The following SCFD2 variants were observed in gnomAD, a reference collection of about 807,000 sequenced individuals.
SCFD2 encodes the protein sec1 family domain containing 2, also known as sec1 family domain-containing protein 2.
A neutral mutation model predicts 58.9 loss-of-function variants in SCFD2; 54 were observed. The observed-to-expected ratio is 0.92, with a 90% CI of 0.74 to 1.15. SCFD2 has a LOEUF of 1.15. SCFD2 is among the 50% of genes most tolerant of loss of function. SCFD2 has a pLI of 0.00. For missense variants in SCFD2, 805 were observed against 836.6 expected (o/e 0.96, Z 0.47); for synonymous variants, 321 against 335.9 (o/e 0.96, Z 0.49).
chr4:53,239,440 G>A (rs1167090327), intron 4 of SCFD2, among the ~76,000 whole-genome samples: 1 of 77,578 alleles, frequency 1.3e-5, no homozygotes, highest in African/African-American at 4.8e-5. Context: ...GAGGGAGAGG[G>A]AGAGGGAGAG....
At chr4:53,277,126 G>A (rs1485215472) in intron 3 of SCFD2, among the ~76,000 whole-genome samples, 2 of 152,032 alleles carry the variant, frequency 1.3e-5, no homozygotes, top group Non-Finnish European at 2.9e-5. Flanking sequence ...ATAAACCTGT[G>A]AACAAATCCA....
chr4:53,177,787 G>C (rs1727390029), intron 4 of SCFD2, among the ~76,000 whole-genome samples: 1 of 152,194 alleles, frequency 6.6e-6, no homozygotes, highest in African/African-American at 2.4e-5. Flanking sequence ...ACCTGGAAAA[G>C]CAGGTCACTC....
At chr4:53,074,748 C>A (rs76566151) in intron 5 of SCFD2, among the ~76,000 whole-genome samples, 2,210 of 152,106 alleles carry the variant, frequency 0.015, 20 homozygotes, top group Middle Eastern at 0.034. Context: ...AGTGGTTCTC[C>A]ACAGTAGGCT....
At chr4:53,104,603 C>T (rs1724931191) in intron 5 of SCFD2, among the ~76,000 whole-genome samples, 1 of 152,090 alleles carries the variant, frequency 6.6e-6, no homozygotes, top group Non-Finnish European at 1.5e-5. Context: ...ATGTACCATA[C>T]TAACGTAAGA....
chr4:53,331,891 G>C (rs1450433979), intron 2 of SCFD2, among the ~76,000 whole-genome samples: 4 of 151,938 alleles, frequency 2.6e-5, no homozygotes, highest in Non-Finnish European at 4.4e-5. Flanking sequence ...TCAAATAGAG[G>C]CAATAAAAAA....
chr4:52,906,943 T>C (rs1719361321), intron 7 of SCFD2, among the ~76,000 whole-genome samples: 1 of 152,170 alleles, frequency 6.6e-6, no homozygotes, highest in Admixed American at 6.5e-5. Flanking sequence ...TGTTCAGTTA[T>C]TTTGACCCAC....
At chr4:53,291,290 C>T (rs188511624) in intron 3 of SCFD2, among the ~76,000 whole-genome samples, 1 of 151,796 alleles carries the variant, frequency 6.6e-6, no homozygotes, top group African/African-American at 2.4e-5. Flanking sequence ...GCTACCTTAA[C>T]ATATGCAAAT....
At chr4:53,144,862 AG>A (rs1726275366) in intron 5 of SCFD2, among the ~76,000 whole-genome samples, 1 of 152,192 alleles carries the variant, frequency 6.6e-6, no homozygotes, top group African/African-American at 2.4e-5. Context: ...CCTATAGGCC[AG>A]GGGTCGCCAA....
intron 3 of SCFD2, among the ~76,000 whole-genome samples, chr4:53,296,006 AAGCT>A (rs1405574993): frequency 6.6e-6 from 1 of 152,216 alleles, no homozygotes; most frequent in African/African-American, 2.4e-5. Flanking sequence ...CATGGTGGAT[AAGCT>A]TTTTGACATG....
At chr4:53,303,745 A>G (rs549012245) in intron 3 of SCFD2, among the ~76,000 whole-genome samples, 2 of 152,106 alleles carry the variant, frequency 1.3e-5, no homozygotes, top group Admixed American at 6.5e-5. Context: ...AATGTGGCAC[A>G]TATACACCAT....
chr4:52,915,397 G>T (rs1719577442), intron 6 of SCFD2, among the ~76,000 whole-genome samples: 1 of 152,086 alleles, frequency 6.6e-6, no homozygotes, highest in Non-Finnish European at 1.5e-5. Flanking sequence ...TACTGGGAGG[G>T]TATTCATTTT....
intron 5 of SCFD2, among the ~76,000 whole-genome samples, chr4:52,930,383 T>C (rs1269074865): frequency 6.6e-6 from 1 of 152,096 alleles, no homozygotes; most frequent in Non-Finnish European, 1.5e-5. Flanking sequence ...TACTTAAATG[T>C]AAAACCTAAA....
At position 53,352,774 on chromosome 4, in the gene SCFD2, A is replaced by G. The variant is rs756183373; in HGVS notation, c.839-8T>C. ...CATGATGTCCAACTGCTCCTGTTTA[A>G]GCAGACAAGATGATGTAAATTCATA... is the stretch of plus-strand genomic sequence containing the variant. On this transcript the variant is annotated splice_polypyrimidine_tract_variant and splice_region_variant and intron_variant, in intron 1 of 8. Coordinates refer to ENST00000401642, the MANE Select transcript of SCFD2 (RefSeq NM_152540.4). The G allele has an allele frequency of 2.6e-5, 42 of 1,610,076 alleles. No homozygotes were observed. Among genetic ancestry groups the G allele is most frequent in the Non-Finnish European group, 3.2e-5 (38 of 1,176,854 alleles).
intron 4 of SCFD2, among the ~76,000 whole-genome samples, chr4:53,169,135 G>A (rs1248146254): frequency 1.3e-5 from 2 of 152,176 alleles, no homozygotes; most frequent in Non-Finnish European, 2.9e-5. Flanking sequence ...CAGCACTTTG[G>A]GAGGCTGAGG....
intron 7 of SCFD2, among the ~76,000 whole-genome samples, chr4:52,896,416 G>A (rs1719014076): frequency 6.6e-6 from 1 of 152,144 alleles, no homozygotes; most frequent in East Asian, 1.9e-4. Context: ...TATTAAATAG[G>A]GATCCTTTCC....
intron 4 of SCFD2, among the ~76,000 whole-genome samples, chr4:53,155,320 G>A (rs1726643194): frequency 6.6e-6 from 1 of 152,186 alleles, no homozygotes; most frequent in East Asian, 1.9e-4. Flanking sequence ...ACCCTCATGG[G>A]TGGGACTGGT....
At chr4:53,258,538 G>GTGTATATATATATATATA (rs1360142906) in intron 4 of SCFD2, among the ~76,000 whole-genome samples, 4 of 119,950 alleles carry the variant, frequency 3.3e-5, no homozygotes, top group South Asian at 2.8e-4. Context: ...TGGTGTGTGT[G>GTGTATATATATATATATA]TATATATATA....
intron 4 of SCFD2, among the ~76,000 whole-genome samples, chr4:53,208,547 C>G (rs945024100): frequency 3.9e-5 from 6 of 152,164 alleles, no homozygotes; most frequent in African/African-American, 1.4e-4. Context: ...TTCCCCATAG[C>G]TGGGTTTGTG....
At position 53,330,694 on chromosome 4, in the gene SCFD2, G is replaced by C. The variant is rs1441366947; in HGVS notation, c.1008-16931C>G. ...AGGAAGAAACTGCATCAACTAACGAGCAAAATCACCAGCTAACATCATAAT... is the reference window on the plus strand; with the variant it reads ...AGGAAGAAACTGCATCAACTAACGACCAAAATCACCAGCTAACATCATAAT... On this transcript the variant is annotated intron_variant, in intron 2 of 8. Transcript: ENST00000401642. 2.0e-5 allele frequency among the ~76,000 whole-genome samples: 3 copies of C among 151,594 alleles called. No homozygotes were observed. In the East Asian group the frequency reaches 5.8e-4, roughly 29 times the overall value.
Sources: allele counts gnomAD v4.1 joint callset (sites outside exome capture counted in the v4.1 genomes callset), GRCh38; gene constraint gnomAD v4.1.1; transcripts MANE v1.5; gene names NCBI Gene and HGNC (gene_info 2026-07-23, HGNC 2026-07-21).